The following MRPS5 variants were observed in gnomAD, a reference collection of about 807,000 sequenced individuals.
The protein encoded by MRPS5 is mitochondrial ribosomal protein S5.
In MRPS5, 27 loss-of-function variants were observed where a neutral mutation model predicts 51.9. The ratio of observed to expected loss-of-function variants is 0.52; its 90% CI spans 0.38 to 0.72. MRPS5 has a LOEUF of 0.72. Ranked by LOEUF, MRPS5 falls within the 30% of genes least tolerant of loss-of-function variation. The pLI, the probability that MRPS5 is intolerant of heterozygous loss-of-function variation, is 0.00. For missense variants in MRPS5, 570 were observed against 545.7 expected, an observed-to-expected ratio of 1.04 and a Z score of -0.44; for synonymous variants, 196 against 193.2, an observed-to-expected ratio of 1.01 and a Z score of -0.12.
intron 7 of MRPS5, among the ~76,000 whole-genome samples, chr2:95,102,901 A>C (rs1456459816): frequency 6.6e-6 from 1 of 152,228 alleles, no homozygotes; most frequent in East Asian, 1.9e-4. Flanking sequence ...TTTTTAAATT[A>C]TACATGGGAA....
rs763328238 is a variant in MRPS5 at position 95,101,699 on chromosome 2, T to A, written c.788A>T (p.Asp263Val). The change falls in exon 8 of 12, where the codon GAT becomes GTT. Residue 263 changes from aspartate to valine, a missense_variant. Asp to Val is a radical substitution (Grantham distance 152). Coordinates refer to ENST00000272418, the MANE Select transcript of MRPS5 (RefSeq NM_031902.5). Reference sequence around the variant, plus strand: ...TACTTTCCTGAAAGCATCCATCCGATCAGTAGCTTTCCCAATAGAAAAACC... The same window carrying A: ...TACTTTCCTGAAAGCATCCATCCGAACAGTAGCTTTCCCAATAGAAAAACC... Reference protein sequence around the residue: ...AAGFSIGKATDRMDAFRKAKN... With the variant: ...AAGFSIGKATVRMDAFRKAKN... 3.1e-6 allele frequency: 5 copies of A among 1,600,338 alleles called. No individual in the cohort carries two copies. In the South Asian group the frequency reaches 5.7e-5, roughly 18 times the overall value.
chr2:95,098,076 C>T (rs1455634259), intron 10 of MRPS5, among the ~76,000 whole-genome samples: 1 of 152,198 alleles, frequency 6.6e-6, no homozygotes, highest in African/African-American at 2.4e-5. Context: ...GACATTTATG[C>T]AGCCAACAGA....
chr2:95,121,833 C>T, upstream of MRPS5: 3 of 1,506,010 alleles, frequency 2.0e-6, no homozygotes, highest in South Asian at 1.2e-5. Flanking sequence ...CCAGGGCAGC[C>T]TTGCCCACCG....
chr2:95,097,322 A>T (rs1277994627), intron 10 of MRPS5, among the ~76,000 whole-genome samples: 1 of 152,262 alleles, frequency 6.6e-6, no homozygotes, highest in Non-Finnish European at 1.5e-5. Context: ...CTTTCTTCAC[A>T]GAATTGGAAA....
At chr2:95,097,906 C>G (rs537632866) in intron 10 of MRPS5, among the ~76,000 whole-genome samples, 1 of 152,184 alleles carries the variant, frequency 6.6e-6, no homozygotes, top group African/African-American at 2.4e-5. Flanking sequence ...TCAGAGTGAA[C>G]AGGCAACCTA....
intron 11 of MRPS5, among the ~76,000 whole-genome samples, chr2:95,088,435 A>C (rs867872175): frequency 8.5e-5 from 13 of 152,224 alleles, no homozygotes; most frequent in Admixed American, 7.9e-4. Flanking sequence ...CAGGCAGATT[A>C]GTTCAGTAGA....
At chr2:95,106,291 C>G (rs138314598) in intron 6 of MRPS5, 132 bp downstream of exon 6, 8 of 763,272 alleles carry the variant, frequency 1.0e-5, no homozygotes, top group African/African-American at 8.6e-5. Context: ...ATTTTCCTTA[C>G]GCAGATCAGC....
intron 3 of MRPS5, among the ~76,000 whole-genome samples, chr2:95,110,828 A>C (rs1676097837): frequency 6.6e-6 from 1 of 152,232 alleles, no homozygotes; most frequent in East Asian, 1.9e-4. Context: ...CAATTTCTTT[A>C]ATAAAGAATC....
chr2:95,102,468 C>A (rs1675830185), intron 7 of MRPS5, among the ~76,000 whole-genome samples: 1 of 152,082 alleles, frequency 6.6e-6, no homozygotes, highest in South Asian at 2.1e-4. Flanking sequence ...TCAAGATGAG[C>A]CCGGGCAACA....
chr2:95,108,591 T>C (rs938659117), intron 4 of MRPS5, among the ~76,000 whole-genome samples, 183 bp from the exon 5 acceptor site: 1 of 152,186 alleles, frequency 6.6e-6, no homozygotes, highest in Non-Finnish European at 1.5e-5. Context: ...TGGTATTACC[T>C]AGAGAAACAC....
intron 5 of MRPS5, chr2:95,106,792 A>T (rs929707084): frequency 2.7e-6 from 1 of 363,840 alleles, no homozygotes; most frequent in Non-Finnish European, 5.2e-6. Context: ...ACCACAGTCC[A>T]TCATTTCCAC....
At chr2:95,102,780 AATGACT>A (rs1675840704) in intron 7 of MRPS5, among the ~76,000 whole-genome samples, 1 of 152,236 alleles carries the variant, frequency 6.6e-6, no homozygotes, top group Non-Finnish European at 1.5e-5. Flanking sequence ...AAACCAAATC[AATGACT>A]CTTTAGTTTA....
intron 1 of MRPS5, among the ~76,000 whole-genome samples, chr2:95,119,820 T>C (rs1278011492): frequency 1.3e-5 from 2 of 152,152 alleles, no homozygotes; most frequent in Non-Finnish European, 2.9e-5. Flanking sequence ...CCCAGCACTT[T>C]GGGAGGCCAA....
chr2:95,109,767 A>G, intron 4 of MRPS5, 149 bp downstream of exon 4: 1 of 837,354 alleles, frequency 1.2e-6, no homozygotes. Flanking sequence ...TCCTGGGGCA[A>G]TGAGTAAGTC....
intron 3 of MRPS5, 97 bp downstream of exon 3, chr2:95,114,969 C>T: frequency 8.6e-7 from 1 of 1,162,290 alleles, no homozygotes; most frequent in Non-Finnish European, 1.2e-6. Flanking sequence ...AAACTAATCA[C>T]TAAAATCTTA....
chr2:95,100,452 A>T (rs368254933), intron 10 of MRPS5, 22 bp downstream of exon 10: 7 of 1,546,048 alleles, frequency 4.5e-6, no homozygotes, highest in Admixed American at 1.7e-5. Flanking sequence ...TCATCAACAA[A>T]TGGTAAGAGT....
chr2:95,090,660 C>T (rs1675438966), intron 10 of MRPS5, 138 bp from the exon 11 acceptor site: 2 of 861,024 alleles, frequency 2.3e-6, no homozygotes, highest in Non-Finnish European at 3.6e-6. Flanking sequence ...TCCTAGTGAG[C>T]TGACCCTTGA....
chr2:95,098,283 G>A (rs1266323695), intron 10 of MRPS5, among the ~76,000 whole-genome samples: 18 of 152,310 alleles, frequency 1.2e-4, no homozygotes, highest in Non-Finnish European at 2.5e-4. Flanking sequence ...ATAGTGTGGC[G>A]ATTCCTCAGG....
At chr2:95,106,380 C>T (rs1675949577) in intron 6 of MRPS5, 43 bp downstream of exon 6, 1 of 620,274 alleles carries the variant, frequency 1.6e-6, no homozygotes, top group South Asian at 1.4e-5. Flanking sequence ...CCCACCCCAA[C>T]CTCTCCAAAG....
Sources: allele counts gnomAD v4.1 joint callset (sites outside exome capture counted in the v4.1 genomes callset), GRCh38; gene constraint gnomAD v4.1.1; transcripts MANE v1.5; gene names NCBI Gene and HGNC (gene_info 2026-07-23, HGNC 2026-07-21).